FYCO1: variants seen among roughly 807,000 people sequenced by gnomAD.
The protein encoded by FYCO1 is FYVE and coiled-coil domain autophagy adaptor 1.
A neutral mutation model predicts 165.1 loss-of-function variants in FYCO1; 122 were observed. The ratio of observed to expected loss-of-function variants is 0.74; its 90% confidence interval spans 0.64 to 0.86. The LOEUF (loss-of-function observed/expected upper bound fraction) is 0.86. Ranked by LOEUF, FYCO1 falls within the 40% of genes least tolerant of loss-of-function variation. The pLI is 0.00. For synonymous variants in FYCO1, 648 were observed against 742.5 expected, an observed-to-expected ratio of 0.87 and a Z score of 2.07; for missense variants, 1,702 against 1,810.3, an observed-to-expected ratio of 0.94 and a Z score of 1.09.
intron 4 of FYCO1, among the ~76,000 whole-genome samples, 163 bp downstream of exon 4, chr3:45,979,542 G>C (rs1337054355): frequency 6.6e-6 from 1 of 152,150 alleles, no homozygotes; most frequent in Non-Finnish European, 1.5e-5. Context: ...CCCCAACCTT[G>C]AGCCACTGCA....
At position 45,958,555 on chromosome 3, in the gene FYCO1, T is replaced by C; in HGVS notation, c.3652A>G (p.Lys1218Glu). 6.2e-7 allele frequency: 1 copy of C among 1,614,230 alleles called. No homozygotes were observed. Among genetic ancestry groups the C allele is most frequent in the Non-Finnish European group, 8.5e-7 (1 of 1,180,030 alleles). Reference sequence around the variant, plus strand: ...CAGGCTCGGCAGCAGCGCTCCTTTTTGCCACCGTGCTTGCTCAGGACGTAG... The same window carrying C: ...CAGGCTCGGCAGCAGCGCTCCTTTTCGCCACCGTGCTTGCTCAGGACGTAG... ...NNYVLSKHGGKKERCCRACFQ... is the reference protein window; with the variant it reads ...NNYVLSKHGGEKERCCRACFQ... The change falls in exon 13 of 18, where the codon AAA (lysine) becomes GAA (glutamate). Residue 1218 changes from lysine to glutamate, a missense_variant. Physicochemically the swap from Lys to Glu is moderately conservative, Grantham distance 56. Transcript: ENST00000296137.
At position 45,936,481 on chromosome 3, in the gene FYCO1, G is replaced by A. The variant is rs4356851; in HGVS notation, c.4007C>T (p.Ser1336Leu). Residue 1336 changes from serine to leucine, a missense_variant, in exon 15 of 18, where the codon TCG (serine) becomes TTG (leucine). Coordinates refer to ENST00000296137, the MANE Select transcript of FYCO1 (RefSeq NM_024513.4). ...TCCAGACTTCAGCAGGCAGATTTCC[G>A]AATCCTGCCCCACGGGCATGTCTTC... The part of the protein sequence containing the change: ...DTEDMPVGQD[S>L]EICLLKSGEL... The A allele has an allele frequency of 6.0e-5, 97 of 1,613,874 alleles. No individual in the cohort carries two copies. The highest frequency in any genetic ancestry group is 1.8e-4 in the Admixed American group (11 of 60,014).
rs1472810632 is a variant in FYCO1 at position 45,920,536 on chromosome 3, G to A, written c.*1229C>T. On this transcript the variant is annotated 3_prime_UTR_variant, in exon 18 of 18. Transcript: ENST00000296137. ...CCAAGGTGAGCTATCTGTTGTTGGG[G>A]AAGAAAAGGACCACAGAGAACAGGG... 2 of 152,228 alleles carry A rather than the reference G, an allele frequency of 1.3e-5. No homozygotes were observed. Among genetic ancestry groups the A allele is most frequent in the African/African-American group, 4.8e-5 (2 of 41,428 alleles). The allele number at this position is 152,228 out of a possible 1,614,324, so 9.4% of individuals were successfully genotyped here. A position where few individuals can be genotyped will look rare whatever the true frequency, so the allele number is the denominator to read the frequency against.
chr3:45,985,070 T>A, intron 1 of FYCO1, 48 bp from the exon 2 acceptor site: 1 of 737,582 alleles, frequency 1.4e-6, no homozygotes, highest in African/African-American at 1.7e-5. Context: ...ACAGACACAA[T>A]TTAACGACAA....
chr3:45,970,277 G>T (rs978581013), intron 6 of FYCO1, among the ~76,000 whole-genome samples: 1 of 152,186 alleles, frequency 6.6e-6, no homozygotes, highest in African/African-American at 2.4e-5. Flanking sequence ...GAAATACAAA[G>T]GCTTGTGTGA....
chr3:45,931,320 CAA>C, intron 15 of FYCO1, 39 bp from the exon 16 acceptor site: 1 of 1,598,204 alleles, frequency 6.3e-7, no homozygotes, highest in Non-Finnish European at 8.6e-7. Flanking sequence ...ATTGACTGGG[CAA>C]AGTGTTTGTG....
At chr3:45,930,228 TTG>T (rs1296932775) in intron 16 of FYCO1, among the ~76,000 whole-genome samples, 2 of 152,236 alleles carry the variant, frequency 1.3e-5, no homozygotes, top group African/African-American at 4.8e-5. Flanking sequence ...CAAATGGAAC[TTG>T]TGTTTCCATG....
chr3:45,970,965 T>A (rs1559462665), intron 6 of FYCO1, among the ~76,000 whole-genome samples: 1 of 152,044 alleles, frequency 6.6e-6, no homozygotes, highest in Non-Finnish European at 1.5e-5. Flanking sequence ...AATGCATTGA[T>A]TACATGATTA....
chr3:45,940,788 A>G (rs1704180536), intron 14 of FYCO1: 1 of 152,104 alleles, frequency 6.6e-6, no homozygotes, highest in African/African-American at 2.4e-5. Flanking sequence ...CCCTCGGCCA[A>G]ATTCTTTCCT....
chr3:45,949,553 A>G (rs913685942), intron 14 of FYCO1, among the ~76,000 whole-genome samples: 1 of 152,054 alleles, frequency 6.6e-6, no homozygotes, highest in Non-Finnish European at 1.5e-5. Context: ...ACCACCATGT[A>G]CCCCTGTGCA....
At chr3:45,985,440 T>TGGCCCCACACCC (rs1479792707) in intron 1 of FYCO1, among the ~76,000 whole-genome samples, 1 of 152,184 alleles carries the variant, frequency 6.6e-6, no homozygotes, top group African/African-American at 2.4e-5. Context: ...CCCCCACACC[T>TGGCCCCACACCC]GGCCCCACAC....
At position 45,931,266 on chromosome 3, in the gene FYCO1, G is replaced by A; in HGVS notation, c.4056C>T (p.Leu1352=). 6.2e-7 allele frequency: 1 copy of A among 1,613,772 alleles called. No homozygotes were observed. Among genetic ancestry groups the A allele is most frequent in the South Asian group, 1.1e-5 (1 of 91,076 alleles). Residue 1352 remains leucine (L), a synonymous_variant, in exon 16 of 18, where the codon CTC becomes CTT. Coordinates refer to ENST00000296137, the MANE Select transcript of FYCO1 (RefSeq NM_024513.4). Reference sequence around the variant, plus strand: ...CGAAGCTGGCGATCTCATCCACTGTGAGGGGTACTTTGATCCTAAAATAAA... The same window carrying A: ...CGAAGCTGGCGATCTCATCCACTGTAAGGGGTACTTTGATCCTAAAATAAA... The part of the protein sequence containing the change: ...KSGELMIKVP[L]TVDEIASFGE...
At chr3:45,973,014 T>C in intron 6 of FYCO1, 74 bp downstream of exon 6, 1 of 1,530,230 alleles carries the variant, frequency 6.5e-7, no homozygotes, top group Non-Finnish European at 9.0e-7. Flanking sequence ...TTGTTTTGAG[T>C]AGACTGGTGG....
intron 14 of FYCO1, chr3:45,946,809 A>G (rs1704641757): frequency 6.2e-7 from 1 of 1,614,062 alleles, no homozygotes; most frequent in African/African-American, 1.3e-5. Context: ...GGGCATCTAC[A>G]CTATTAACTT....
At chr3:45,965,942 A>G (rs537400627) in intron 8 of FYCO1, among the ~76,000 whole-genome samples, 1 of 152,372 alleles carries the variant, frequency 6.6e-6, no homozygotes, top group East Asian at 1.9e-4. Context: ...GCAGGCTTTC[A>G]AAAGCCCTCA....
At chr3:45,953,997 G>T (rs1705173796) in intron 14 of FYCO1, among the ~76,000 whole-genome samples, 1 of 152,192 alleles carries the variant, frequency 6.6e-6, no homozygotes, top group African/African-American at 2.4e-5. Flanking sequence ...CCGTGCTGGA[G>T]CCTCATGGAC....
chr3:45,937,446 A>G (rs764137521), intron 14 of FYCO1, among the ~76,000 whole-genome samples: 25 of 152,312 alleles, frequency 1.6e-4, no homozygotes, highest in Non-Finnish European at 2.8e-4. Context: ...AGTGGGGTCC[A>G]TTGTGGTTCC....
Position 45,959,412 on chromosome 3 carries a change from C to T in FYCO1, c.3568G>A (p.Val1190Met). The T allele has an allele frequency of 6.2e-7, 1 of 1,614,032 alleles. No individual in the cohort carries two copies. Among genetic ancestry groups the T allele is most frequent in the Non-Finnish European group, 8.5e-7 (1 of 1,180,040 alleles). ...GCTGACCTGCAGTGGTGCCGCCGCACCATCCAGCTGAACTCCCGCTTACAG... is the reference window on the plus strand; with the variant it reads ...GCTGACCTGCAGTGGTGCCGCCGCATCATCCAGCTGAACTCCCGCTTACAG... ...LDCKREFSWM[V>M]RRHHCRICGR... Residue 1190 changes from valine (V) to methionine (M), a missense_variant, in exon 12 of 18, where the codon GTG (valine) becomes ATG (methionine). Val to Met is a conservative substitution (Grantham distance 21). Transcript: ENST00000296137.
intron 16 of FYCO1, among the ~76,000 whole-genome samples, chr3:45,927,876 C>T (rs1703397627): frequency 6.6e-6 from 1 of 152,276 alleles, no homozygotes; most frequent in South Asian, 2.1e-4. Flanking sequence ...ACCTTGATTA[C>T]AAGCAACATC....
Sources: allele counts gnomAD v4.1 joint callset (sites outside exome capture counted in the v4.1 genomes callset), GRCh38; gene constraint gnomAD v4.1.1; transcripts MANE v1.5; gene names NCBI Gene and HGNC (gene_info 2026-07-23, HGNC 2026-07-21).